The following PLCB2 variants were observed in gnomAD, a reference collection of about 807,000 sequenced individuals.
PLCB2 encodes the protein phospholipase C beta 2.
A neutral mutation model predicts 141.7 loss-of-function variants in PLCB2; 115 were observed. The observed-to-expected ratio is 0.81, with a 90% CI of 0.70 to 0.95. The LOEUF is 0.95. Ranked by LOEUF, PLCB2 falls within the 40% of genes least tolerant of loss-of-function variation. The pLI is 0.00. For missense variants in PLCB2, 1,403 were observed against 1,541.1 expected (o/e 0.91, Z 1.50); for synonymous variants, 603 against 595.6 (o/e 1.01, Z -0.18).
Position 40,302,255 on chromosome 15 carries a change from G to A in PLCB2, c.452+15C>T. ...TGCTCAGCACCAGGGCTCAGGCCAGGCAGAGGGCACTTACATCTTGTCCAG... is the reference window on the plus strand; with the variant it reads ...TGCTCAGCACCAGGGCTCAGGCCAGACAGAGGGCACTTACATCTTGTCCAG... On this transcript the variant is annotated intron_variant, in intron 5 of 31. Transcript: ENST00000260402. 6.2e-7 allele frequency: 1 copy of A among 1,614,106 alleles called. No individual in the cohort carries two copies. The highest frequency in any genetic ancestry group is 8.5e-7 in the Non-Finnish European group (1 of 1,179,934).
intron 11 of PLCB2, 31 bp downstream of exon 11, chr15:40,298,192 C>T (rs373087882): frequency 3.3e-5 from 51 of 1,530,336 alleles, no homozygotes; most frequent in East Asian, 3.2e-4. Context: ...CCTACTGCCA[C>T]GGCCACCAGC....
chr15:40,296,362 C>T lies in PLCB2; in HGVS notation c.1630G>A (p.Glu544Lys), dbSNP rs1378716275. 36 of 1,613,680 alleles carry T rather than the reference C, an allele frequency of 2.2e-5. No individual in the cohort carries two copies. The highest frequency in any genetic ancestry group is 3.1e-5 in the Non-Finnish European group (36 of 1,179,882). The part of the protein sequence containing the change: ...GTAGLEVTAY[E>K]EMSSLVNYIQ... ...TAATTGACTAGGCTGGACATCTCCT[C>T]ATAAGCCGTCACTTCCAGGCCCGCT... Residue 544 changes from glutamate to lysine, a missense_variant, in exon 16 of 32, where the codon GAG becomes AAG. Physicochemically the swap from Glu to Lys is moderately conservative, Grantham distance 56 (BLOSUM62 1). Coordinates refer to ENST00000260402, the MANE Select transcript of PLCB2 (RefSeq NM_004573.3).
At chr15:40,284,445 A>T (rs1288831535), downstream of PLCB2, 1 of 454,586 alleles carries the variant, frequency 2.2e-6, no homozygotes, top group Non-Finnish European at 4.4e-6. Context: ...GTACCAACAC[A>T]GTCCTTGGAT....
chr15:40,301,679 C>T, intron 7 of PLCB2: 1 of 703,430 alleles, frequency 1.4e-6, no homozygotes, highest in East Asian at 2.7e-5. Context: ...CTGCTGCCTG[C>T]CCTGAACACA....
chr15:40,302,280 G>A lies in PLCB2; in HGVS notation c.442C>T (p.Leu148=). 1 of 1,614,184 alleles carries A rather than the reference G, an allele frequency of 6.2e-7. No individual in the cohort carries two copies. Among genetic ancestry groups the A allele is most frequent in the Non-Finnish European group, 8.5e-7 (1 of 1,180,018 alleles). Residue 148 remains leucine (L), a synonymous_variant, in exon 5 of 32, where the codon CTG becomes TTG. Coordinates refer to ENST00000260402, the MANE Select transcript of PLCB2 (RefSeq NM_004573.3). ...LTANASRSTF[L]DKILVKLKMQ... The stretch of plus-strand genomic sequence containing the variant: ...GCAGAGGGCACTTACATCTTGTCCA[G>A]GAAGGTGCTGCGGGAGGCGTTGGCC...
chr15:40,288,124 G>A lies in PLCB2; in HGVS notation c.*591C>T. 1 of 985,544 alleles carries A rather than the reference G, an allele frequency of 1.0e-6. No individual in the cohort carries two copies. The highest frequency in any genetic ancestry group is 1.7e-5 in the African/African-American group (1 of 57,354). The allele number at this position is 985,544 out of a possible 1,614,324, so 61.0% of individuals were successfully genotyped here. ...CTGCCCCTTGTGACTCAGCCAAGCA[G>A]GGCCAAGGCAGCTTTTCCATTTCAG... On this transcript the variant is annotated 3_prime_UTR_variant, in exon 32 of 32. Transcript: ENST00000260402.
At chr15:40,303,461 A>C in intron 2 of PLCB2, 105 bp from the exon 3 acceptor site, 1 of 800,548 alleles carries the variant, frequency 1.2e-6, no homozygotes, top group Non-Finnish European at 2.1e-6. Flanking sequence ...ACACCCTTCA[A>C]ATCTTGGCCA....
chr15:40,306,146 G>T (rs1010409741), intron 1 of PLCB2, among the ~76,000 whole-genome samples: 9 of 152,146 alleles, frequency 5.9e-5, no homozygotes, highest in African/African-American at 2.2e-4. Context: ...ATAAAGTTGG[G>T]ATTTGCTTAC....
intron 7 of PLCB2, chr15:40,301,466 A>G: frequency 1.5e-6 from 1 of 646,772 alleles, no homozygotes; most frequent in East Asian, 2.7e-5. Context: ...AAAGACAGGG[A>G]AAAATGCTTT....
chr15:40,285,060 C>T (rs934446238), downstream of PLCB2, among the ~76,000 whole-genome samples: 5 of 152,050 alleles, frequency 3.3e-5, no homozygotes, highest in Non-Finnish European at 7.4e-5. Flanking sequence ...CATAGATAGG[C>T]GTGGCAAAGT....
In PLCB2 at chr15:40,293,687, C is replaced by T. The variant is rs536212553; in HGVS notation, c.2099G>A (p.Arg700His). ...SGQFLSERSV[R>H]TYVEVELFGL... ...AAACAGCTCCACTTCTACATAGGTGCGCACGCTGCGTTCTGACAGGAACTG... is the reference window on the plus strand; with the variant it reads ...AAACAGCTCCACTTCTACATAGGTGTGCACGCTGCGTTCTGACAGGAACTG... Residue 700 changes from arginine to histidine, a missense_variant, in exon 20 of 32, where the codon CGC becomes CAC. Around this residue, in one of 4 missense-constraint regions of PLCB2, gnomAD observed 975 missense variants for 1,141.1 expected, o/e 0.85. Transcript: ENST00000260402. 8.7e-6 allele frequency: 14 copies of T among 1,613,958 alleles called. No homozygotes were observed. The highest frequency in any genetic ancestry group is 7.7e-5 in the South Asian group (7 of 91,066).
intron 4 of PLCB2, 32 bp downstream of exon 4, chr15:40,302,436 GC>G: frequency 2.5e-6 from 4 of 1,613,332 alleles, no homozygotes; most frequent in Non-Finnish European, 3.4e-6. Flanking sequence ...TATCCCAGGG[GC>G]CCAGACCCAG....
chr15:40,289,946 AGAGAGAGAGAGAGAGAGAGAGAGTGT>A (rs1243057714), intron 30 of PLCB2, 53 bp downstream of exon 30: 19 of 221,404 alleles, frequency 8.6e-5, no homozygotes, highest in African/African-American at 4.8e-4. Flanking sequence ...AGAGAGAGAG[AGAGAGAGAGAGAGAGAGAGAGAGTGT>A]GTGTGTGTGT....
Position 40,296,340 on chromosome 15 carries a change from T to C in PLCB2, c.1652A>G (p.Asn551Ser), listed in dbSNP as rs376098838. The change falls in exon 16 of 32, where the codon AAT (asparagine) becomes AGT (serine). Residue 551 changes from asparagine (N) to serine (S), a missense_variant. Asn to Ser is a conservative substitution (Grantham distance 46, BLOSUM62 1). Around this residue, in one of 4 missense-constraint regions of PLCB2, gnomAD observed 975 missense variants for 1,141.1 expected, o/e 0.85. Transcript: ENST00000260402. ...GACGAACTTGGTGGGCTGGATGTAA[T>C]TGACTAGGCTGGACATCTCCTCATA... ...TAYEEMSSLVNYIQPTKFVSF... is the reference protein window; with the variant it reads ...TAYEEMSSLVSYIQPTKFVSF... 15 of 1,613,638 alleles carry C rather than the reference T, an allele frequency of 9.3e-6. No homozygotes were observed. Among genetic ancestry groups the C allele is most frequent in the South Asian group, 2.2e-5 (2 of 90,978 alleles).
intron 20 of PLCB2, among the ~76,000 whole-genome samples, chr15:40,293,255 AG>A (rs776305746): frequency 1.3e-5 from 2 of 152,200 alleles, no homozygotes; most frequent in African/African-American, 4.8e-5. Context: ...CCCAAGGCTG[AG>A]GGGGCCTGGC....
rs538647274 is a variant in PLCB2, at chr15:40,294,342, C to T, written c.1985G>A (p.Arg662His). ...GGGGTTGAACTGCTTGTCCGGCCGG[C>T]GCATGAACTCATGCTTGAGGAGGTA... ...SGYLLKHEFM[R>H]RPDKQFNPFS... Residue 662 changes from arginine (R) to histidine (H), a missense_variant, in exon 19 of 32, where the codon CGC becomes CAC. Arg to His is a conservative substitution (Grantham distance 29). This residue lies in a region of PLCB2 where 975 missense variants were observed against 1,141.1 expected (regional missense o/e 0.85). Transcript: ENST00000260402. 9.3e-6 allele frequency: 15 copies of T among 1,614,116 alleles called. No homozygotes were observed. Among genetic ancestry groups the T allele is most frequent in the Admixed American group, 5.0e-5 (3 of 60,026 alleles).
chr15:40,298,963 G>A lies in PLCB2; in HGVS notation c.685C>T (p.His229Tyr). 1 of 1,604,082 alleles carries A rather than the reference G, an allele frequency of 6.2e-7. No homozygotes were observed. Among genetic ancestry groups the A allele is most frequent in the Non-Finnish European group, 8.5e-7 (1 of 1,178,564 alleles). Residue 229 changes from histidine (H) to tyrosine (Y), a missense_variant and splice_region_variant, in exon 9 of 32, where the codon CAT (histidine) becomes TAT (tyrosine). His to Tyr is a moderately conservative substitution (Grantham distance 83). Coordinates refer to ENST00000260402, the MANE Select transcript of PLCB2 (RefSeq NM_004573.3). ...GTCATGTAGGGTTTGGCCTTAGCAT[G>A]GCTTCAAGCCAGAGAGAAGAGCACA... ...PEIDEIFTSYHAKAKPYMTKE... is the reference protein window; with the variant it reads ...PEIDEIFTSYYAKAKPYMTKE...
intron 19 of PLCB2, 138 bp from the exon 20 acceptor site, chr15:40,293,862 A>C: frequency 1.2e-6 from 1 of 815,738 alleles, no homozygotes; most frequent in Non-Finnish European, 1.9e-6. Context: ...TCTGGCCATG[A>C]GTAGAGAGGC....
Position 40,288,423 on chromosome 15 carries a change from A to C in PLCB2, c.*292T>G, listed in dbSNP as rs1312444285. On this transcript the variant is annotated 3_prime_UTR_variant, in exon 32 of 32. Transcript: ENST00000260402. The stretch of plus-strand genomic sequence containing the variant: ...GCCAGGATCCCACTTTCTGCCTTCC[A>C]GTCCATAGTCTTTTGCCCTCAACAA... 8.7e-7 allele frequency: 1 copy of C among 1,148,454 alleles called. No homozygotes were observed. The highest frequency in any genetic ancestry group is 1.6e-5 in the African/African-American group (1 of 62,948). 71.1% of individuals were successfully genotyped at this position (1,148,454 alleles called of 1,614,324 possible).
Sources: allele counts gnomAD v4.1 joint callset (sites outside exome capture counted in the v4.1 genomes callset), GRCh38; gene constraint gnomAD v4.1.1; regional missense constraint gnomAD v4.1.1; transcripts MANE v1.5; gene names NCBI Gene and HGNC (gene_info 2026-07-23, HGNC 2026-07-21).